The following CFAP299 variants were observed in gnomAD, a reference collection of about 807,000 sequenced individuals.
The protein encoded by CFAP299 is cilia and flagella associated protein 299.
Under a neutral mutation model 27.0 loss-of-function variants are expected in CFAP299, and 21 were observed. That is an observed-to-expected ratio of 0.78 (90% CI 0.55 to 1.12). CFAP299 has a LOEUF of 1.12. Among genes scored for constraint, CFAP299 ranks in the 50% most tolerant of loss-of-function variants. The pLI is 0.00. For synonymous variants in CFAP299, 104 were observed against 98.1 expected, an observed-to-expected ratio of 1.06 and a Z score of -0.36; for missense variants, 310 against 276.6, an observed-to-expected ratio of 1.12 and a Z score of -0.86.
intron 2 of CFAP299, among the ~76,000 whole-genome samples, chr4:80,518,160 C>A (rs910014262): frequency 6.6e-6 from 1 of 151,966 alleles, no homozygotes; most frequent in Non-Finnish European, 1.5e-5. Flanking sequence ...TAAGATTATT[C>A]ATATGGACTT....
rs867455772 is a variant in CFAP299 at position 80,782,656 on chromosome 4, A to G, written c.334-87337A>G. Among the ~76,000 whole-genome samples, 7 of 125,898 alleles carry G rather than the reference A, an allele frequency of 5.6e-5. No individual in the cohort carries two copies. The East Asian group carries it at 1.4e-3, about 25-fold the overall frequency. The allele number at this position is 125,898 out of a possible 152,430, so 82.6% of individuals were successfully genotyped here. On this transcript the variant is annotated intron_variant, in intron 3 of 5. Transcript: ENST00000358105. ...ATATAATATACATATATGAATATAT[A>G]ATATATTCATATATAATATACATAT...
At chr4:80,422,184 C>G (rs1727315562) in intron 2 of CFAP299, among the ~76,000 whole-genome samples, 1 of 152,138 alleles carries the variant, frequency 6.6e-6, no homozygotes, top group Non-Finnish European at 1.5e-5. Flanking sequence ...CACTAAGTCT[C>G]TACTTACAAC....
At chr4:80,557,086 C>T (rs1168566970) in intron 2 of CFAP299, among the ~76,000 whole-genome samples, 1 of 151,924 alleles carries the variant, frequency 6.6e-6, no homozygotes, top group Non-Finnish European at 1.5e-5. Context: ...TCTATTAAAC[C>T]ACAGATCAAC....
intron 4 of CFAP299, among the ~76,000 whole-genome samples, chr4:80,901,833 A>AATT (rs1734914922): frequency 6.6e-6 from 1 of 152,122 alleles, no homozygotes; most frequent in African/African-American, 2.4e-5. Flanking sequence ...ACTCTAAATT[A>AATT]AATCTCTTAA....
intron 3 of CFAP299, among the ~76,000 whole-genome samples, chr4:80,614,752 T>A (rs1381931594): frequency 6.6e-6 from 1 of 152,262 alleles, no homozygotes; most frequent in Non-Finnish European, 1.5e-5. Flanking sequence ...TGAATTTCAA[T>A]GAATTAATCT....
intron 3 of CFAP299, among the ~76,000 whole-genome samples, chr4:80,645,872 A>G (rs1739983824): frequency 6.6e-6 from 1 of 152,192 alleles, no homozygotes; most frequent in African/African-American, 2.4e-5. Context: ...AATATCAGGT[A>G]AAATTGGGAA....
At chr4:80,398,594 A>C (rs1229931381) in intron 2 of CFAP299, among the ~76,000 whole-genome samples, 1 of 143,594 alleles carries the variant, frequency 7.0e-6, no homozygotes, top group Non-Finnish European at 1.5e-5. Flanking sequence ...TGGGGAAAGG[A>C]TTCCCTATTT....
At chr4:80,581,878 G>A (rs897382665) in intron 2 of CFAP299, among the ~76,000 whole-genome samples, 7 of 151,758 alleles carry the variant, frequency 4.6e-5, no homozygotes, top group African/African-American at 1.7e-4. Context: ...TTGGTTCAAC[G>A]CTTTCTGGTA....
intron 4 of CFAP299, among the ~76,000 whole-genome samples, chr4:80,885,404 T>C (rs1037796253): frequency 6.6e-6 from 1 of 152,204 alleles, no homozygotes; most frequent in Non-Finnish European, 1.5e-5. Flanking sequence ...GCTATGGGAA[T>C]GCCTGCACCA....
chr4:80,529,096 G>A (rs1407359197), intron 2 of CFAP299, among the ~76,000 whole-genome samples: 1 of 152,080 alleles, frequency 6.6e-6, no homozygotes, highest in Non-Finnish European at 1.5e-5. Flanking sequence ...ACTCAATGAA[G>A]CAGTGCAATG....
chr4:80,614,891 C>T (rs1738196144), intron 3 of CFAP299, among the ~76,000 whole-genome samples: 1 of 152,110 alleles, frequency 6.6e-6, no homozygotes, highest in Non-Finnish European at 1.5e-5. Context: ...ATACAAGAGA[C>T]ACCTTTGGTT....
chr4:80,648,012 C>T (rs536546096), intron 3 of CFAP299, among the ~76,000 whole-genome samples: 31 of 152,154 alleles, frequency 2.0e-4, no homozygotes, highest in African/African-American at 5.8e-4. Flanking sequence ...AGCTGAGATC[C>T]GGCAACTGCA....
intron 3 of CFAP299, among the ~76,000 whole-genome samples, chr4:80,710,938 C>G (rs533435177): frequency 3.4e-4 from 51 of 152,174 alleles, no homozygotes; most frequent in African/African-American, 1.2e-3. Flanking sequence ...CAAGGATGGG[C>G]CCAGGTAAAC....
chr4:80,630,242 A>G (rs1299982465), intron 3 of CFAP299, among the ~76,000 whole-genome samples: 2 of 152,160 alleles, frequency 1.3e-5, no homozygotes, highest in Admixed American at 1.3e-4. Flanking sequence ...TTCTTGTGGT[A>G]GGGAGTAGAA....
At chr4:80,436,872 G>C (rs1728110660) in intron 2 of CFAP299, among the ~76,000 whole-genome samples, 1 of 152,012 alleles carries the variant, frequency 6.6e-6, no homozygotes, top group Admixed American at 6.6e-5. Flanking sequence ...TGATATTTTG[G>C]GTCTCGTAAC....
intron 2 of CFAP299, among the ~76,000 whole-genome samples, chr4:80,370,840 C>T (rs1309581658): frequency 6.6e-6 from 1 of 152,210 alleles, no homozygotes; most frequent in Non-Finnish European, 1.5e-5. Context: ...CTTTTGGTGG[C>T]TCTACCATTC....
intron 3 of CFAP299, among the ~76,000 whole-genome samples, chr4:80,681,051 T>G (rs558330492): frequency 6.6e-6 from 1 of 152,196 alleles, no homozygotes; most frequent in African/African-American, 2.4e-5. Context: ...GGAAGAAGGC[T>G]TTTAGTCTTC....
chr4:80,812,058 C>A (rs1729181604), intron 3 of CFAP299, among the ~76,000 whole-genome samples: 1 of 152,008 alleles, frequency 6.6e-6, no homozygotes, highest in African/African-American at 2.4e-5. Flanking sequence ...AAATGAAGTG[C>A]ATTTTAGAAT....
intron 2 of CFAP299, among the ~76,000 whole-genome samples, chr4:80,473,045 C>G (rs1730086756): frequency 6.6e-6 from 1 of 152,082 alleles, no homozygotes; most frequent in South Asian, 2.1e-4. Context: ...ATAATCAGCT[C>G]CTTCCCTCAA....
Sources: gnomAD v4.1 joint callset for allele counts (sites outside exome capture counted in the v4.1 genomes callset) on GRCh38, gnomAD v4.1.1 for gene constraint, MANE v1.5 for transcripts, NCBI Gene and HGNC (gene_info 2026-07-23, HGNC 2026-07-21) for gene names.